The following MTTP variants were observed in gnomAD, a reference collection of about 807,000 sequenced individuals.
MTTP encodes the protein microsomal triglyceride transfer protein large subunit.
In MTTP, 49 loss-of-function variants were observed where a neutral mutation model predicts 90.6. That is an observed-to-expected ratio of 0.54 (90% confidence interval 0.43 to 0.69). MTTP has a LOEUF of 0.69. MTTP is among the 30% of genes least tolerant of loss of function. The probability of loss-of-function intolerance (pLI) is 0.00; values close to 1 mark genes in which losing one functional copy is unlikely to be tolerated. For synonymous variants in MTTP, 347 were observed against 384.2 expected, an observed-to-expected ratio of 0.90 and a Z score of 1.13; for missense variants, 945 against 1,067.5, an observed-to-expected ratio of 0.89 and a Z score of 1.60.
At chr4:99,620,993 A>T in intron 16 of MTTP, 68 bp from the exon 17 acceptor site, 1 of 1,310,128 alleles carries the variant, frequency 7.6e-7, no homozygotes, top group Non-Finnish European at 1.1e-6. Flanking sequence ...CTGTAAAGTT[A>T]CAGCTGTTAG....
intron 10 of MTTP, among the ~76,000 whole-genome samples, chr4:99,602,705 A>C (rs1351371185): frequency 6.6e-6 from 1 of 152,132 alleles, no homozygotes; most frequent in Non-Finnish European, 1.5e-5. Context: ...TTAGGGAAGC[A>C]TGACTTCTTA....
chr4:99,618,728 A>G (rs1352300623), intron 15 of MTTP, among the ~76,000 whole-genome samples: 2 of 152,178 alleles, frequency 1.3e-5, no homozygotes, highest in African/African-American at 4.8e-5. Flanking sequence ...GAAGGAAAAC[A>G]TCCTTCTTAA....
intron 4 of MTTP, 143 bp downstream of exon 4, chr4:99,589,893 A>G: frequency 1.5e-6 from 1 of 662,912 alleles, no homozygotes; most frequent in Non-Finnish European, 2.7e-6. Context: ...TGCCTATGAA[A>G]CAATTGCCAT....
intron 10 of MTTP, 118 bp from the exon 11 acceptor site, chr4:99,606,630 C>A: frequency 1.0e-6 from 1 of 968,954 alleles, no homozygotes; most frequent in Non-Finnish European, 1.7e-6. Context: ...GTCAAGCAAC[C>A]AATGCAAAAC....
rs1560627357 is a variant in MTTP, at chr4:99,619,008, TAGAGGTCCAG to T, written c.2253_2262del (p.Ile751MetfsTer4). On this transcript the variant is annotated frameshift_variant, in exon 16 of 18. Coordinates refer to ENST00000265517, the MANE Select transcript of MTTP (RefSeq NM_001386140.1). LOFTEE classifies it high-confidence loss of function. Reference sequence around the variant, plus strand: ...TTACAATCTGGACTAAAAGCCAATATAGAGGTCCAGGGTGGTCTAGCTATTGATATTTCAG... The same window carrying T: ...TTACAATCTGGACTAAAAGCCAATATGGTGGTCTAGCTATTGATATTTCAG... 6.2e-7 allele frequency: 1 copy of T among 1,613,536 alleles called. No homozygotes were observed. Among genetic ancestry groups the T allele is most frequent in the Non-Finnish European group, 8.5e-7 (1 of 1,179,518 alleles).
At chr4:99,607,171 T>C (rs1484552420) in intron 11 of MTTP, among the ~76,000 whole-genome samples, 1 of 152,228 alleles carries the variant, frequency 6.6e-6, no homozygotes, top group East Asian at 1.9e-4. Flanking sequence ...AGCATAAATA[T>C]TGAAGCATAT....
intron 15 of MTTP, among the ~76,000 whole-genome samples, chr4:99,616,132 G>A (rs1445050550): frequency 3.3e-5 from 5 of 152,116 alleles, no homozygotes; most frequent in East Asian, 1.9e-4. Flanking sequence ...AGTGGCTCAC[G>A]CCTGTAATCC....
At chr4:99,589,498 A>G in intron 3 of MTTP, 145 bp from the exon 4 acceptor site, 2 of 658,742 alleles carry the variant, frequency 3.0e-6, no homozygotes, top group Non-Finnish European at 5.5e-6. Flanking sequence ...TCTTTTCACA[A>G]AAAGGAAATT....
intron 4 of MTTP, among the ~76,000 whole-genome samples, chr4:99,590,561 G>A (rs1469012660): frequency 6.6e-6 from 1 of 152,158 alleles, no homozygotes; most frequent in African/African-American, 2.4e-5. Flanking sequence ...TTCTTAGACT[G>A]AATTCAACCA....
intron 3 of MTTP, chr4:99,584,334 G>T (rs929979539): frequency 5.9e-5 from 9 of 151,936 alleles, no homozygotes; most frequent in Non-Finnish European, 8.8e-5. Flanking sequence ...GGAACATTGA[G>T]TTATAATTCC....
At position 99,623,739 on chromosome 4, in the gene MTTP, A is replaced by G. The variant is rs1182116470; in HGVS notation, c.*891A>G. On this transcript the variant is annotated 3_prime_UTR_variant, in exon 18 of 18. Coordinates refer to ENST00000265517, the MANE Select transcript of MTTP (RefSeq NM_001386140.1). ...GCACAATAGCTAGGATGACTAAGAG[A>G]ACATTGCTTCAAGAAACTGGTGGAT... 6 of 152,186 alleles carry G rather than the reference A, an allele frequency of 3.9e-5. No homozygotes were observed. The highest frequency in any genetic ancestry group is 1.3e-4 in the Admixed American group (2 of 15,270). 9.4% of individuals were successfully genotyped at this position (152,186 alleles called of 1,614,324 possible).
At chr4:99,601,047 T>A (rs1725684518) in intron 9 of MTTP, among the ~76,000 whole-genome samples, 1 of 152,144 alleles carries the variant, frequency 6.6e-6, no homozygotes, top group East Asian at 1.9e-4. Context: ...CAGTAATCAA[T>A]TTTACAAGAT....
At chr4:99,601,850 C>T in intron 10 of MTTP, 136 bp downstream of exon 10, 1 of 705,636 alleles carries the variant, frequency 1.4e-6, no homozygotes, top group South Asian at 1.5e-5. Flanking sequence ...GCAATTTTTG[C>T]CATCTAACAT....
At chr4:99,590,005 C>T (rs190647091) in intron 4 of MTTP, among the ~76,000 whole-genome samples, 3 of 152,280 alleles carry the variant, frequency 2.0e-5, no homozygotes, top group East Asian at 1.9e-4. Flanking sequence ...CCAGATATCA[C>T]TGTGCACCAC....
Position 99,600,644 on chromosome 4 carries a change from A to T in MTTP, c.1147A>T (p.Ser383Cys), listed in dbSNP as rs751075806. The T allele has an allele frequency of 6.2e-7, 1 of 1,613,918 alleles. No individual in the cohort carries two copies. Among genetic ancestry groups the T allele is most frequent in the Non-Finnish European group, 8.5e-7 (1 of 1,179,846 alleles). ...CATTTTGGACTTTTTGGATTTCAAA[A>T]GTGACAGCAGCATTATCCTCCAGGA... The part of the protein sequence containing the change: ...EAILDFLDFK[S>C]DSSIILQERF... The change falls in exon 9 of 18, where the codon AGT becomes TGT. Residue 383 changes from serine to cysteine, a missense_variant. Transcript: ENST00000265517.
rs1724919072 is a variant in MTTP at position 99,574,893 on chromosome 4, G to A, written c.-17G>A. On this transcript the variant is annotated 5_prime_UTR_variant, in exon 1 of 18. Transcript: ENST00000265517. ...TCCTAGCTGGGCACTGGATGCAGTT[G>A]AGGATTGCTGGTCAATATGATTCTT... 1.2e-6 allele frequency: 2 copies of A among 1,614,036 alleles called. No homozygotes were observed. Among genetic ancestry groups the A allele is most frequent in the South Asian group, 2.2e-5 (2 of 91,078 alleles).
intron 3 of MTTP, among the ~76,000 whole-genome samples, chr4:99,589,004 TAC>T (rs1163362886): frequency 1.6e-4 from 9 of 57,256 alleles, no homozygotes; most frequent in Non-Finnish European, 2.7e-4. Flanking sequence ...TTCATATATA[TAC>T]ACACATATAT....
At chr4:99,595,478 C>T (rs1418137241) in intron 7 of MTTP, 1 of 158,696 alleles carries the variant, frequency 6.3e-6, no homozygotes, top group East Asian at 1.8e-4. Flanking sequence ...GATATACATT[C>T]AGAGAAATGA....
chr4:99,575,512 T>C (rs1210336771), intron 1 of MTTP, among the ~76,000 whole-genome samples: 1 of 152,138 alleles, frequency 6.6e-6, no homozygotes, highest in Non-Finnish European at 1.5e-5. Flanking sequence ...TCATAGTGAA[T>C]TAAAGAAAAT....
Sources: gnomAD v4.1 joint callset for allele counts (sites outside exome capture counted in the v4.1 genomes callset) on GRCh38, gnomAD v4.1.1 for gene constraint, MANE v1.5 for transcripts, NCBI Gene and HGNC (gene_info 2026-07-23, HGNC 2026-07-21) for gene names.